IL17RE: variants seen among roughly 807,000 people sequenced by gnomAD.
IL17RE encodes the protein interleukin-17 receptor E.
In IL17RE, 47 loss-of-function variants were observed where a neutral mutation model predicts 70.7. The ratio of observed to expected loss-of-function variants is 0.67; its 90% CI spans 0.53 to 0.85. The LOEUF is 0.85. Among genes scored for constraint, IL17RE ranks in the 40% least tolerant of loss-of-function variants. IL17RE has a pLI of 0.00. For synonymous variants in IL17RE, 372 were observed against 381.2 expected (o/e 0.98, Z 0.28); for missense variants, 850 against 893.9 (o/e 0.95, Z 0.63).
upstream of IL17RE, chr3:9,902,703 G>GT (rs1246194612): frequency 2.3e-5 from 36 of 1,535,882 alleles, no homozygotes; most frequent in Non-Finnish European, 3.1e-5. Flanking sequence ...GTGGGGGGCA[G>GT]TAGGGTTTTT....
chr3:9,912,033 C>T (rs1396490008), intron 12 of IL17RE, among the ~76,000 whole-genome samples: 4 of 152,128 alleles, frequency 2.6e-5, no homozygotes, highest in Non-Finnish European at 5.9e-5. Context: ...TTGTGAGAAA[C>T]GAGGCCACAC....
Position 9,904,297 on chromosome 3 carries a change from A to G in IL17RE, c.268+146A>G, listed in dbSNP as rs1353165538. ...TTGGATTATCCTAAAATAGCACGCT[A>G]TGACTGATATTCACAAATACAATTG... On this transcript the variant is annotated intron_variant, in intron 3 of 15. Coordinates refer to ENST00000383814, the MANE Select transcript of IL17RE (RefSeq NM_153480.2). 1.2e-5 allele frequency: 9 copies of G among 772,732 alleles called. No individual in the cohort carries two copies. In the Admixed American group the frequency reaches 2.1e-4, roughly 18 times the overall value. 47.9% of individuals were successfully genotyped at this position (772,732 alleles called of 1,614,324 possible).
chr3:9,904,940 C>T (rs774163249), intron 3 of IL17RE, among the ~76,000 whole-genome samples: 21 of 149,118 alleles, frequency 1.4e-4, no homozygotes, highest in Non-Finnish European at 2.7e-4. Context: ...CAAAAAAATA[C>T]AAAAATTAGC....
At chr3:9,902,253 C>A (rs73811602), upstream of IL17RE, among the ~76,000 whole-genome samples, 1 of 152,106 alleles carries the variant, frequency 6.6e-6, no homozygotes, top group Non-Finnish European at 1.5e-5. Flanking sequence ...CTGAGCAGGG[C>A]GTACTGACTA....
chr3:9,908,116 G>A, intron 6 of IL17RE, 123 bp from the exon 7 acceptor site: 1 of 731,292 alleles, frequency 1.4e-6, no homozygotes, highest in Non-Finnish European at 2.4e-6. Context: ...AGGAGAAGAA[G>A]TATCTCATAT....
In IL17RE at chr3:9,914,021, C is replaced by T. The variant is rs2125093939; in HGVS notation, c.1293C>T (p.Val431=). The change falls in exon 13 of 16, where the codon GTC becomes GTT. Residue 431 remains valine, a synonymous_variant. Transcript: ENST00000383814. ...CCTTCCTGAGGCCAGGGTGCTGTGTCCTGGTAAGGAAACCTACCCTCACTC... is the reference window on the plus strand; with the variant it reads ...CCTTCCTGAGGCCAGGGTGCTGTGTTCTGGTAAGGAAACCTACCCTCACTC... ...IIPFLRPGCC[V]LVWRSDVQFA... 1.2e-6 allele frequency: 2 copies of T among 1,612,782 alleles called. No homozygotes were observed. The highest frequency in any genetic ancestry group is 1.1e-5 in the South Asian group (1 of 91,062).
rs373337717 is a variant in IL17RE, at chr3:9,906,996, C to T, written c.562C>T (p.Arg188Trp). ...CTCCTTTGATTTGCTGCCTGAGGCC[C>T]GGGCTATTCGGGTGACCATATCTTC... ...EFSFDLLPEA[R>W]AIRVTISSGP... Residue 188 changes from arginine to tryptophan, a missense_variant, in exon 6 of 16, where the codon CGG becomes TGG. Arg to Trp is a moderately radical substitution (Grantham distance 101). Transcript: ENST00000383814. 1.1e-5 allele frequency: 18 copies of T among 1,614,004 alleles called. No homozygotes were observed. Among genetic ancestry groups the T allele is most frequent in the Admixed American group, 3.3e-5 (2 of 59,994 alleles).
chr3:9,908,165 C>G (rs747596349), intron 6 of IL17RE, 74 bp from the exon 7 acceptor site: 1 of 1,248,390 alleles, frequency 8.0e-7, no homozygotes, highest in Non-Finnish European at 1.2e-6. Context: ...GATCCCAGCA[C>G]TGTTCTGCCC....
At chr3:9,913,169 C>CT (rs2082932407) in intron 12 of IL17RE, among the ~76,000 whole-genome samples, 1 of 152,156 alleles carries the variant, frequency 6.6e-6, no homozygotes, top group South Asian at 2.1e-4. Flanking sequence ...TTTTGGGAGG[C>CT]TGAGGAGGGC....
intron 12 of IL17RE, among the ~76,000 whole-genome samples, chr3:9,913,541 C>T (rs1043080010): frequency 6.6e-6 from 1 of 152,182 alleles, no homozygotes; most frequent in African/African-American, 2.4e-5. Context: ...ACAAAGGCAA[C>T]AGTTAAGCCT....
Position 9,908,231 on chromosome 3 carries a change from A to T in IL17RE, c.667-8A>T. ...ATCTTTTGTCTTCCTTTGCTGTTTC[A>T]TCCACAGAAAATTGTGTCTGGGGGC... On this transcript the variant is annotated splice_polypyrimidine_tract_variant and splice_region_variant and intron_variant, in intron 6 of 15. Transcript: ENST00000383814. The T allele has an allele frequency of 6.2e-7, 1 of 1,613,530 alleles. No homozygotes were observed. Among genetic ancestry groups the T allele is most frequent in the Non-Finnish European group, 8.5e-7 (1 of 1,179,532 alleles).
intron 3 of IL17RE, among the ~76,000 whole-genome samples, chr3:9,905,275 G>A (rs1301177207): frequency 6.6e-6 from 1 of 151,794 alleles, no homozygotes; most frequent in Non-Finnish European, 1.5e-5. Flanking sequence ...GGCCAACATG[G>A]TGAAACCCCG....
At chr3:9,908,875 T>A (rs2082821477) in intron 7 of IL17RE, among the ~76,000 whole-genome samples, 1 of 151,930 alleles carries the variant, frequency 6.6e-6, no homozygotes, top group Non-Finnish European at 1.5e-5. Context: ...CATTCCAGAG[T>A]CAGGAGCCAA....
chr3:9,903,094 T>C, intron 1 of IL17RE, 30 bp downstream of exon 1: 1 of 1,578,928 alleles, frequency 6.3e-7, no homozygotes, highest in Non-Finnish European at 8.7e-7. Flanking sequence ...TAGGGACACC[T>C]GCCTGGCACA....
upstream of IL17RE, chr3:9,902,728 T>C: frequency 6.5e-7 from 1 of 1,534,622 alleles, no homozygotes; most frequent in Non-Finnish European, 8.7e-7. Flanking sequence ...GCACAAGCTT[T>C]CCTCAGTCCC....
Position 9,914,594 on chromosome 3 carries a change from C to A in IL17RE, c.1343C>A (p.Pro448Gln), listed in dbSNP as rs777074215. ...TTTGCCTGGAAGCACCTCTTGTGTCCGGATGGTGAGTTCTTGGGGAGGGGG... is the reference window on the plus strand; with the variant it reads ...TTTGCCTGGAAGCACCTCTTGTGTCAGGATGGTGAGTTCTTGGGGAGGGGG... ...VQFAWKHLLC[P>Q]DVSYRHLGLL... Residue 448 changes from proline to glutamine, a missense_variant, in exon 14 of 16, where the codon CCG becomes CAG. Transcript: ENST00000383814. The A allele has an allele frequency of 6.2e-7, 1 of 1,613,944 alleles. No individual in the cohort carries two copies. The highest frequency in any genetic ancestry group is 1.1e-5 in the South Asian group (1 of 91,078).
chr3:9,912,465 G>T (rs1393593123), intron 12 of IL17RE, among the ~76,000 whole-genome samples: 2 of 152,164 alleles, frequency 1.3e-5, no homozygotes, highest in African/African-American at 2.4e-5. Flanking sequence ...GACAGGCTCT[G>T]CACAATCCTG....
Position 9,902,885 on chromosome 3 carries a change from T to C in IL17RE, c.-48T>C. 6.2e-7 allele frequency: 1 copy of C among 1,614,046 alleles called. No individual in the cohort carries two copies. The stretch of plus-strand genomic sequence containing the variant: ...GCACAGCAAGGCCCTGCCACCCACC[T>C]TCAGGCCATGCAGCCATGTTCCGGG... On this transcript the variant is annotated 5_prime_UTR_variant, in exon 1 of 16. Transcript: ENST00000383814.
rs1349862065 is a variant in IL17RE, at chr3:9,916,087, G to C, written c.*280G>C. On this transcript the variant is annotated 3_prime_UTR_variant, in exon 16 of 16. Coordinates refer to ENST00000383814, the MANE Select transcript of IL17RE (RefSeq NM_153480.2). The stretch of plus-strand genomic sequence containing the variant: ...CCTCTCCAGAACTCCAGAAAGAGCA[G>C]TGTGCTTATGCTTCAGTCCAGGCTG... 1.8e-5 allele frequency: 7 copies of C among 388,122 alleles called. No individual in the cohort carries two copies. 24.0% of individuals were successfully genotyped at this position (388,122 alleles called of 1,614,324 possible).
Sources: gnomAD v4.1 joint callset for allele counts (sites outside exome capture counted in the v4.1 genomes callset) on GRCh38, gnomAD v4.1.1 for gene constraint, MANE v1.5 for transcripts, NCBI Gene and HGNC (gene_info 2026-07-23, HGNC 2026-07-21) for gene names.